The following ANKMY2 variants were observed in gnomAD, a reference collection of about 807,000 sequenced individuals.
ANKMY2 encodes ankyrin repeat and MYND domain containing 2, also known as ankyrin repeat and MYND domain-containing protein 2.
In ANKMY2, 36 loss-of-function variants were observed where a neutral mutation model predicts 50.4. The ratio of observed to expected loss-of-function variants is 0.71; its 90% CI spans 0.55 to 0.94. The LOEUF is 0.94. Among genes scored for constraint, ANKMY2 ranks in the 40% least tolerant of loss-of-function variants. ANKMY2 has a pLI of 0.00. For missense variants in ANKMY2, 565 were observed against 524.0 expected (o/e 1.08, Z -0.76); for synonymous variants, 187 against 178.8 (o/e 1.05, Z -0.36).
chr7:16,640,133 T>G (rs1011300407), intron 1 of ANKMY2, among the ~76,000 whole-genome samples: 2 of 151,844 alleles, frequency 1.3e-5, no homozygotes, highest in African/African-American at 4.8e-5. Context: ...GCCACTGCAC[T>G]CCAGCTTGGG....
At chr7:16,607,890 A>T (rs576147169) in intron 7 of ANKMY2, among the ~76,000 whole-genome samples, 9 of 152,046 alleles carry the variant, frequency 5.9e-5, no homozygotes, top group East Asian at 3.9e-4. Flanking sequence ...AAAAAAAAAA[A>T]TTTTCCTGGA....
At chr7:16,633,245 A>T in intron 2 of ANKMY2, among the ~76,000 whole-genome samples, 1 of 148,246 alleles carries the variant, frequency 6.7e-6, no homozygotes, top group Non-Finnish European at 1.5e-5. Context: ...AAAAGTTTTT[A>T]ATTTTGATTA....
At chr7:16,612,396 A>G (rs1235556961) in intron 5 of ANKMY2, among the ~76,000 whole-genome samples, 3 of 152,198 alleles carry the variant, frequency 2.0e-5, no homozygotes, top group East Asian at 1.9e-4. Flanking sequence ...GCACTTAATA[A>G]TAAGTTATTA....
At position 16,609,911 on chromosome 7, in the gene ANKMY2, C is replaced by G. The variant is rs569619417; in HGVS notation, c.747-146G>C. The G allele has an allele frequency of 5.8e-4, 585 of 1,001,266 alleles. 10 individuals are homozygous for G. Among genetic ancestry groups the G allele is most frequent in the South Asian group, 4.3e-3 (265 of 61,868 alleles). 62.0% of individuals were successfully genotyped at this position (1,001,266 alleles called of 1,614,324 possible). A position where few individuals can be genotyped will look rare whatever the true frequency, so the allele number is the denominator to read the frequency against. On this transcript the variant is annotated intron_variant, in intron 6 of 9. Transcript: ENST00000306999. ...ATGATGACGGGCTCAGTTCAAATTGCTGTTCAACCTATATGTTAGGCTAGG... is the reference window on the plus strand; with the variant it reads ...ATGATGACGGGCTCAGTTCAAATTGGTGTTCAACCTATATGTTAGGCTAGG...
In ANKMY2 at chr7:16,600,790, G is replaced by C; in HGVS notation, c.1297C>G (p.Pro433Ala). Residue 433 changes from proline to alanine, a missense_variant, in exon 10 of 10, where the codon CCT becomes GCT. Pro to Ala is a conservative substitution (Grantham distance 27, BLOSUM62 -1). Transcript: ENST00000306999. ...TCCTCAGACACCTGTGGCCCTGCAG[G>C]AGCATCCTGTAAGCCTTCCAACTCA... ...EAELEGLQDA[P>A]AGPQVSEE 6.2e-7 allele frequency: 1 copy of C among 1,612,894 alleles called. No individual in the cohort carries two copies. The highest frequency in any genetic ancestry group is 8.5e-7 in the Non-Finnish European group (1 of 1,179,442).
chr7:16,624,919 G>A (rs758035731), intron 4 of ANKMY2, 64 bp downstream of exon 4: 50 of 1,366,940 alleles, frequency 3.7e-5, no homozygotes, highest in Non-Finnish European at 4.6e-5. Flanking sequence ...GAAGCAAAGT[G>A]GGTTTTTTTT....
Position 16,636,302 on chromosome 7 carries a change from C to CAAA in ANKMY2, c.132+86_132+88dup, listed in dbSNP as rs376207917. Reference sequence around the variant, plus strand: ...TGGGCGAAAGAGCAACACTCCATCTCAAAAAAAAAAAAAAAAAAAAAAAAA... The same window carrying CAAA: ...TGGGCGAAAGAGCAACACTCCATCTCAAAAAAAAAAAAAAAAAAAAAAAAAAAA... On this transcript the variant is annotated intron_variant, in intron 2 of 9. Coordinates refer to ENST00000306999, the MANE Select transcript of ANKMY2 (RefSeq NM_020319.3). The CAAA allele has an allele frequency of 3.2e-3, 677 of 214,406 alleles. 4 individuals carry two copies. The highest frequency in any genetic ancestry group is 7.5e-3 in the South Asian group (171 of 22,718). The allele number at this position is 214,406 out of a possible 1,614,324, so 13.3% of individuals were successfully genotyped here.
chr7:16,644,597 A>C, intron 1 of ANKMY2: 1 of 438,244 alleles, frequency 2.3e-6, no homozygotes, highest in East Asian at 7.3e-5. Context: ...TGAGTTTAAA[A>C]TCACCACATT....
intron 1 of ANKMY2, among the ~76,000 whole-genome samples, chr7:16,638,535 C>A (rs548852113): frequency 1.3e-5 from 2 of 152,198 alleles, no homozygotes; most frequent in African/African-American, 4.8e-5. Flanking sequence ...AGAACTTCCA[C>A]GAGTTCAGCA....
At chr7:16,639,626 TA>T (rs2128346830) in intron 1 of ANKMY2, among the ~76,000 whole-genome samples, 1 of 151,966 alleles carries the variant, frequency 6.6e-6, no homozygotes, top group African/African-American at 2.4e-5. Context: ...AAAAATTTTC[TA>T]AAAAATTAGC....
intron 2 of ANKMY2, among the ~76,000 whole-genome samples, chr7:16,628,551 C>T (rs923529844): frequency 6.6e-6 from 1 of 152,016 alleles, no homozygotes; most frequent in Non-Finnish European, 1.5e-5. Context: ...CATTGCCGTG[C>T]TTCAAGGGAG....
chr7:16,608,829 C>T (rs568771408), intron 7 of ANKMY2, among the ~76,000 whole-genome samples: 1 of 152,004 alleles, frequency 6.6e-6, no homozygotes, highest in Non-Finnish European at 1.5e-5. Context: ...GGTGAAATCC[C>T]ATCTCTACTA....
intron 7 of ANKMY2, among the ~76,000 whole-genome samples, chr7:16,606,179 C>T (rs1781158297): frequency 6.6e-6 from 1 of 151,954 alleles, no homozygotes; most frequent in South Asian, 2.1e-4. Context: ...GCCTGTAATC[C>T]CAGTACTGTG....
intron 4 of ANKMY2, among the ~76,000 whole-genome samples, chr7:16,624,329 A>G (rs1293424056): frequency 6.6e-6 from 1 of 152,012 alleles, no homozygotes; most frequent in African/African-American, 2.4e-5. Context: ...AAGAACAAGA[A>G]TTCACTCCCA....
intron 1 of ANKMY2, among the ~76,000 whole-genome samples, chr7:16,640,911 T>C (rs535948324): frequency 6.6e-6 from 1 of 152,324 alleles, no homozygotes; most frequent in East Asian, 1.9e-4. Flanking sequence ...TAGAAATCTA[T>C]TTGGCTTTGT....
Position 16,645,670 on chromosome 7 carries a change from T to G in ANKMY2, c.-97A>C. 7.3e-7 allele frequency: 1 copy of G among 1,364,006 alleles called. No homozygotes were observed. The highest frequency in any genetic ancestry group is 1.0e-6 in the Non-Finnish European group (1 of 996,664). 84.5% of individuals were successfully genotyped at this position (1,364,006 alleles called of 1,614,324 possible). ...GAACGCCAGCCGCAATGAGGCAACT[T>G]GAGACCAAGACACTGAGTAGCCAAC... On this transcript the variant is annotated 5_prime_UTR_variant, in exon 1 of 10. Coordinates refer to ENST00000306999, the MANE Select transcript of ANKMY2 (RefSeq NM_020319.3).
chr7:16,634,621 A>C (rs949385545), intron 2 of ANKMY2, among the ~76,000 whole-genome samples: 3 of 152,222 alleles, frequency 2.0e-5, no homozygotes, highest in Non-Finnish European at 4.4e-5. Context: ...AAGCCTGGGC[A>C]AATAACTAGC....
chr7:16,602,449 TAC>T lies in ANKMY2; in HGVS notation c.1070_1071del (p.Cys357Ter). 6.2e-7 allele frequency: 1 copy of T among 1,614,032 alleles called. No homozygotes were observed. The highest frequency in any genetic ancestry group is 8.5e-7 in the Non-Finnish European group (1 of 1,180,004). On this transcript the variant is annotated frameshift_variant, in exon 9 of 10. Transcript: ENST00000306999. LOFTEE classifies it high-confidence loss of function. The part of the protein sequence containing the change: ...KTHWFTHKKI[C>X]KNLKDIYEKQ... ...TTTTCGTAAATGTCCTTCAGATTCT[TAC>T]AGATTTTCTTATGAGTAAACCAGTG...
chr7:16,606,265 T>C (rs1489531480), intron 7 of ANKMY2, among the ~76,000 whole-genome samples: 1 of 152,036 alleles, frequency 6.6e-6, no homozygotes, highest in African/African-American at 2.4e-5. Flanking sequence ...GCCCCGACTC[T>C]ACTGAAAATA....
Sources: gnomAD v4.1 joint callset for allele counts (sites outside exome capture counted in the v4.1 genomes callset) on GRCh38, gnomAD v4.1.1 for gene constraint, MANE v1.5 for transcripts, NCBI Gene and HGNC (gene_info 2026-07-23, HGNC 2026-07-21) for gene names.